The following KIF26B variants were observed in gnomAD, a reference collection of about 807,000 sequenced individuals.
The protein encoded by KIF26B is kinesin-like protein KIF26B.
A neutral mutation model predicts 151.2 loss-of-function variants in KIF26B; 63 were observed. The observed-to-expected ratio is 0.42, with a 90% CI of 0.34 to 0.51. The LOEUF (loss-of-function observed/expected upper bound fraction) is 0.51. KIF26B is among the 20% of genes least tolerant of loss of function. KIF26B has a pLI of 0.07. For missense variants in KIF26B, 2,813 were observed against 2,913.6 expected (o/e 0.97, Z 0.79); for synonymous variants, 1,357 against 1,262.1 (o/e 1.08, Z -1.59).
rs1267209969 is a variant in KIF26B at position 245,336,240 on chromosome 1, G to A, written c.466-30594G>A. Reference sequence around the variant, plus strand: ...ATAGCCGCTGGGCTTTCTGCTGCACGGATGCCATCTAGAAGAAGCACCATC... The same window carrying A: ...ATAGCCGCTGGGCTTTCTGCTGCACAGATGCCATCTAGAAGAAGCACCATC... On this transcript the variant is annotated intron_variant, in intron 2 of 14. Coordinates refer to ENST00000407071, the MANE Select transcript of KIF26B (RefSeq NM_018012.4). 2.6e-5 allele frequency among the ~76,000 whole-genome samples: 4 copies of A among 152,372 alleles called. No homozygotes were observed. The East Asian group carries it at 5.8e-4, about 22-fold the overall frequency.
rs552526727 is a variant in KIF26B at position 245,371,922 on chromosome 1, A to G, written c.999+4555A>G. Among the ~76,000 whole-genome samples, 4 of 152,354 alleles carry G rather than the reference A, an allele frequency of 2.6e-5. No individual in the cohort carries two copies. The East Asian group carries it at 7.7e-4, about 29-fold the overall frequency. On this transcript the variant is annotated intron_variant, in intron 3 of 14. Transcript: ENST00000407071. ...AAATATCTTAGAAAATTGATTTAAT[A>G]GGAGATTATAAGACGGGCTTTCAAA...
At chr1:245,649,289 C>G (rs1359376732) in intron 10 of KIF26B, among the ~76,000 whole-genome samples, 3 of 152,210 alleles carry the variant, frequency 2.0e-5, no homozygotes, top group Admixed American at 2.0e-4. Context: ...TCAAATCACC[C>G]AGCCAGTGGG....
At chr1:245,635,049 G>C (rs887698291) in intron 9 of KIF26B, among the ~76,000 whole-genome samples, 2 of 148,552 alleles carry the variant, frequency 1.3e-5, no homozygotes, top group Non-Finnish European at 3.0e-5. Context: ...ATTTTATTTA[G>C]AATTTTTTTG....
At chr1:245,414,639 GGCCCCACAGA>G (rs1674373884) in intron 3 of KIF26B, among the ~76,000 whole-genome samples, 1 of 152,208 alleles carries the variant, frequency 6.6e-6, no homozygotes, top group Non-Finnish European at 1.5e-5. Context: ...CTTCCTTCTA[GGCCCCACAGA>G]GGCCTCTTTG....
At chr1:245,579,737 G>A (rs6699008) in intron 5 of KIF26B, among the ~76,000 whole-genome samples, 74,320 of 151,602 alleles carry the variant, frequency 0.49, 19,180 homozygotes, top group African/African-American at 0.66. Context: ...AATCCCAGCT[G>A]CTTGGGAGGC....
chr1:245,428,595 C>T (rs1288430621), intron 4 of KIF26B, among the ~76,000 whole-genome samples: 2 of 152,138 alleles, frequency 1.3e-5, no homozygotes, highest in South Asian at 2.1e-4. Context: ...GGGTGCAGTC[C>T]GTAACAGAAG....
rs2044848401 is a variant in KIF26B at position 245,706,909 on chromosome 1, G to A, written c.*4303G>A. 3.3e-5 allele frequency: 5 copies of A among 152,208 alleles called. No individual in the cohort carries two copies. The South Asian group carries it at 1.0e-3, about 32-fold the overall frequency. The allele number at this position is 152,208 out of a possible 1,614,324, so 9.4% of individuals were successfully genotyped here. ...TGGGTCTCAAATTTTGGTGGGGGCA[G>A]TGTTTCTTTGGATTCTGATACCTCT... On this transcript the variant is annotated 3_prime_UTR_variant, in exon 15 of 15. Coordinates refer to ENST00000407071, the MANE Select transcript of KIF26B (RefSeq NM_018012.4).
At chr1:245,694,337 C>T (rs1241944428) in intron 12 of KIF26B, among the ~76,000 whole-genome samples, 3 of 152,236 alleles carry the variant, frequency 2.0e-5, no homozygotes, top group South Asian at 2.1e-4. Flanking sequence ...ATTAGTGCCT[C>T]GTGCTTTTTT....
At chr1:245,467,698 C>A (rs1297843144) in intron 4 of KIF26B, among the ~76,000 whole-genome samples, 2 of 152,144 alleles carry the variant, frequency 1.3e-5, no homozygotes, top group Non-Finnish European at 2.9e-5. Flanking sequence ...AGTTTGAGAC[C>A]AGCCTGGCCA....
intron 2 of KIF26B, among the ~76,000 whole-genome samples, chr1:245,211,270 T>C (rs1242174341): frequency 1.3e-5 from 2 of 152,150 alleles, no homozygotes; most frequent in Non-Finnish European, 2.9e-5. Context: ...CAGTTAGTCA[T>C]GGCAGTAGAA....
intron 2 of KIF26B, 76 bp downstream of exon 2, chr1:245,156,759 C>T: frequency 1.1e-6 from 1 of 935,946 alleles, no homozygotes; most frequent in South Asian, 3.0e-5. Flanking sequence ...AGCTGCTCAG[C>T]CCGCCGCGAC....
chr1:245,198,885 C>CG (rs963908500), intron 2 of KIF26B, among the ~76,000 whole-genome samples: 5 of 38,942 alleles, frequency 1.3e-4, no homozygotes, highest in South Asian at 8.6e-4. Context: ...TAATGTAGAC[C>CG]GGGGGGTCAG....
At chr1:245,333,140 C>G (rs1258312017) in intron 2 of KIF26B, among the ~76,000 whole-genome samples, 1 of 152,124 alleles carries the variant, frequency 6.6e-6, no homozygotes, top group Admixed American at 6.5e-5. Context: ...TAGTCCCACA[C>G]CCATGTTCAC....
rs2042989079 is a variant in KIF26B, at chr1:245,564,521, A to C, written c.1350+23571A>C. 6.6e-6 allele frequency among the ~76,000 whole-genome samples: 1 copy of C among 152,204 alleles called. No homozygotes were observed. Among genetic ancestry groups the C allele is most frequent in the East Asian group, 1.9e-4 (1 of 5,196 alleles). On this transcript the variant is annotated intron_variant, in intron 5 of 14. Transcript: ENST00000407071. This position sits in a 1 kb window ranked among gnomAD's most constrained non-coding sequence, Gnocchi z 4.6. ...AAGTTTTGGGTTAAACACTGTCTGCAGTAATTCAAAAGGATAAGAAGGACT... is the reference window on the plus strand; with the variant it reads ...AAGTTTTGGGTTAAACACTGTCTGCCGTAATTCAAAAGGATAAGAAGGACT...
chr1:245,689,925 CCA>C (rs2044601456), intron 12 of KIF26B, among the ~76,000 whole-genome samples: 2 of 152,050 alleles, frequency 1.3e-5, no homozygotes, highest in Admixed American at 1.3e-4. Context: ...TATATAAAGC[CCA>C]CAGACTTGTT....
intron 10 of KIF26B, among the ~76,000 whole-genome samples, chr1:245,678,221 T>A (rs1215322412): frequency 6.6e-6 from 1 of 151,830 alleles, no homozygotes; most frequent in East Asian, 1.9e-4. Context: ...TCCTCTTCAC[T>A]CTGCAGCCGC....
intron 2 of KIF26B, among the ~76,000 whole-genome samples, chr1:245,267,452 C>G (rs2102961218): frequency 6.6e-6 from 1 of 152,280 alleles, no homozygotes; most frequent in South Asian, 2.1e-4. Flanking sequence ...AGTGCCCTTT[C>G]TCAGTGCAGC....
intron 2 of KIF26B, among the ~76,000 whole-genome samples, chr1:245,171,216 C>T (rs561812955): frequency 2.0e-5 from 3 of 152,340 alleles, no homozygotes; most frequent in South Asian, 2.1e-4. Context: ...CATTATATCT[C>T]TTCAGCACAT....
chr1:245,457,229 T>C (rs975817361), intron 4 of KIF26B, among the ~76,000 whole-genome samples: 40 of 152,216 alleles, frequency 2.6e-4, no homozygotes, highest in Non-Finnish European at 1.8e-4. Flanking sequence ...ACAGTGTTGG[T>C]TAGCAGAGCT....
Sources: gnomAD v4.1 joint callset for allele counts (sites outside exome capture counted in the v4.1 genomes callset) on GRCh38, gnomAD v4.1.1 for gene constraint, Gnocchi (gnomAD v3.1) non-coding constraint, MANE v1.5 for transcripts, NCBI Gene and HGNC (gene_info 2026-07-23, HGNC 2026-07-21) for gene names.